The following PIAS1 variants were observed in gnomAD, a reference collection of about 807,000 sequenced individuals.
PIAS1 encodes the protein protein inhibitor of activated STAT 1, also known as E3 SUMO-protein ligase PIAS1.
PIAS1 carries 6 observed loss-of-function variants against 71.3 expected under a neutral mutation model. The ratio of observed to expected loss-of-function variants is 0.08; its 90% CI spans 0.05 to 0.17. The LOEUF is 0.17. Among genes scored for constraint, PIAS1 ranks in the 10% least tolerant of loss-of-function variants. The probability of loss-of-function intolerance (pLI) is 1.00; values close to 1 mark genes in which losing one functional copy is unlikely to be tolerated. For synonymous variants in PIAS1, 303 were observed against 292.9 expected (o/e 1.03, Z -0.35); for missense variants, 555 against 793.6 (o/e 0.70, Z 3.61).
In PIAS1 at chr15:68,192,751, TTTC is replaced by T. The variant is rs1460750338; in HGVS notation, c.*4921_*4923del. ...AAAGACACATCCCATTTGATTTGGT[TTTC>T]TTCTACTTTAGCCACTGTGGTACTA... On this transcript the variant is annotated 3_prime_UTR_variant, in exon 14 of 14. Transcript: ENST00000249636. 1.3e-5 allele frequency: 2 copies of T among 152,208 alleles called. No individual in the cohort carries two copies. Among genetic ancestry groups the T allele is most frequent in the African/African-American group, 4.8e-5 (2 of 41,444 alleles). 9.4% of individuals were successfully genotyped at this position (152,208 alleles called of 1,614,324 possible).
chr15:68,175,727 G>C lies in PIAS1; in HGVS notation c.1260G>C (p.Lys420Asn). The change falls in exon 10 of 14, where the codon AAG (lysine) becomes AAC (asparagine). Residue 420 changes from lysine to asparagine, a missense_variant. By Grantham distance (94) the Lys-to-Asn change is moderately conservative. Coordinates refer to ENST00000249636, the MANE Select transcript of PIAS1 (RefSeq NM_016166.3). ...CTTGGGCACCGATGAGATCAAAAAAGGAAGTACAGGAAGTTTCTGCCTCTT... is the reference window on the plus strand; with the variant it reads ...CTTGGGCACCGATGAGATCAAAAAACGAAGTACAGGAAGTTTCTGCCTCTT... ...DGTWAPMRSK[K>N]EVQEVSASYN... is the part of the protein sequence containing the mutation. 6.2e-7 allele frequency: 1 copy of C among 1,606,372 alleles called. No individual in the cohort carries two copies. The highest frequency in any genetic ancestry group is 8.5e-7 in the Non-Finnish European group (1 of 1,175,740).
chr15:68,088,176 G>GTATATATATATATATATCTATA (rs2092301312), intron 2 of PIAS1, among the ~76,000 whole-genome samples: 2 of 73,008 alleles, frequency 2.7e-5, no homozygotes, highest in African/African-American at 1.2e-4. Context: ...TTATGTGTGT[G>GTATATATATATATATATCTATA]TATATATATA....
At chr15:68,164,396 C>T (rs543557152) in intron 7 of PIAS1, among the ~76,000 whole-genome samples, 7 of 151,994 alleles carry the variant, frequency 4.6e-5, no homozygotes, top group African/African-American at 1.7e-4. Flanking sequence ...AACCTTGATC[C>T]AATATCTTAG....
At chr15:68,161,281 G>C (rs1405677081) in intron 7 of PIAS1, among the ~76,000 whole-genome samples, 1 of 152,190 alleles carries the variant, frequency 6.6e-6, no homozygotes, top group African/African-American at 2.4e-5. Flanking sequence ...ACAAAGCATG[G>C]TTGAGAAAAA....
intron 4 of PIAS1, among the ~76,000 whole-genome samples, chr15:68,143,880 G>T (rs951019065): frequency 6.6e-6 from 1 of 151,760 alleles, no homozygotes; most frequent in Non-Finnish European, 1.5e-5. Flanking sequence ...TTTGACTCTG[G>T]GTTAATTTTT....
chr15:68,140,964 T>G (rs577721955), intron 2 of PIAS1, among the ~76,000 whole-genome samples: 1 of 152,296 alleles, frequency 6.6e-6, no homozygotes, highest in South Asian at 2.1e-4. Context: ...ATTCAGTGCT[T>G]CTTTGTGCCA....
intron 2 of PIAS1, among the ~76,000 whole-genome samples, chr15:68,090,507 C>T (rs62004779): frequency 0.018 from 2,673 of 150,156 alleles, 55 homozygotes; most frequent in Non-Finnish European, 0.022. Context: ...TCTATAAATC[C>T]CTATAATAGC....
chr15:68,069,025 A>C (rs901147017), intron 1 of PIAS1, among the ~76,000 whole-genome samples: 6 of 150,186 alleles, frequency 4.0e-5, no homozygotes, highest in African/African-American at 1.5e-4. Flanking sequence ...CTGCCCCAGT[A>C]GCTGGGATTA....
At chr15:68,061,799 T>A (rs2091961761) in intron 1 of PIAS1, among the ~76,000 whole-genome samples, 1 of 152,240 alleles carries the variant, frequency 6.6e-6, no homozygotes. Flanking sequence ...CTCAGTCTAG[T>A]ATTCAAGATT....
At chr15:68,127,632 C>G (rs1205628076) in intron 2 of PIAS1, among the ~76,000 whole-genome samples, 2 of 152,152 alleles carry the variant, frequency 1.3e-5, no homozygotes, top group East Asian at 3.8e-4. Flanking sequence ...AAAAACAAAA[C>G]AGGCAAGCAA....
intron 2 of PIAS1, among the ~76,000 whole-genome samples, chr15:68,130,424 A>G (rs865785818): frequency 6.6e-6 from 1 of 151,930 alleles, no homozygotes; most frequent in African/African-American, 2.4e-5. Flanking sequence ...AAACATTCCA[A>G]ATGTTTTTTT....
intron 6 of PIAS1, among the ~76,000 whole-genome samples, chr15:68,148,000 A>G (rs1463797794): frequency 6.6e-6 from 1 of 152,178 alleles, no homozygotes; most frequent in Non-Finnish European, 1.5e-5. Flanking sequence ...TACTATACTC[A>G]AAACTGGCAG....
At chr15:68,172,284 G>A (rs2092996427) in intron 8 of PIAS1, among the ~76,000 whole-genome samples, 1 of 152,102 alleles carries the variant, frequency 6.6e-6, no homozygotes, top group Admixed American at 6.6e-5. Context: ...TGGTATATAT[G>A]TGCCACATTT....
At chr15:68,094,532 C>T (rs1042529052) in intron 2 of PIAS1, among the ~76,000 whole-genome samples, 1 of 152,052 alleles carries the variant, frequency 6.6e-6, no homozygotes, top group Non-Finnish European at 1.5e-5. Context: ...GTGTTTTCTG[C>T]CAAGGGCTCC....
At chr15:68,151,227 T>TTTA (rs1452200776) in intron 6 of PIAS1, among the ~76,000 whole-genome samples, 2 of 152,106 alleles carry the variant, frequency 1.3e-5, no homozygotes, top group African/African-American at 4.8e-5. Context: ...AAAATTTCAT[T>TTTA]TTATATTACC....
At chr15:68,092,618 G>A (rs1299026317) in intron 2 of PIAS1, among the ~76,000 whole-genome samples, 1 of 152,170 alleles carries the variant, frequency 6.6e-6, no homozygotes, top group Non-Finnish European at 1.5e-5. Flanking sequence ...GTGTTAAGAG[G>A]TGGGGCCTTT....
In PIAS1 at chr15:68,177,294, A is replaced by AAAAAAAAG. The variant is rs1382675309; in HGVS notation, c.1481+643_1481+644insAAAAGAAA. ...ACTTTGTCTCAAAAAAAAAAAAAAAAAAAGAAAGAAAAAATTTGTATTTCT... is the reference window on the plus strand; with the variant it reads ...ACTTTGTCTCAAAAAAAAAAAAAAAAAAAAAAAGAAAGAAAGAAAAAATTTGTATTTCT... On this transcript the variant is annotated intron_variant, in intron 11 of 13. Transcript: ENST00000249636. Among the ~76,000 whole-genome samples, 13 of 150,966 alleles carry AAAAAAAAG rather than the reference A, an allele frequency of 8.6e-5. No homozygotes were observed. In the East Asian group the frequency reaches 9.7e-4, roughly 11 times the overall value.
intron 1 of PIAS1, among the ~76,000 whole-genome samples, chr15:68,066,249 A>G (rs2092024411): frequency 6.6e-6 from 1 of 151,754 alleles, no homozygotes; most frequent in Non-Finnish European, 1.5e-5. Flanking sequence ...CCTCCCGAGT[A>G]GGATGCGCAC....
In PIAS1 at chr15:68,176,877, G is replaced by C. The variant is rs930419191; in HGVS notation, c.1481+223G>C. Among the ~76,000 whole-genome samples the C allele has an allele frequency of 2.0e-5, 3 of 152,150 alleles. No homozygotes were observed. In the East Asian group the frequency reaches 5.8e-4, roughly 29 times the overall value. On this transcript the variant is annotated intron_variant, in intron 11 of 13. Transcript: ENST00000249636. ...TTCTTCATATCAAAAGATCATTCTA[G>C]TACCGTGGTTCTCAAACTGTGGTGT...
Sources: gnomAD v4.1 joint callset for allele counts (sites outside exome capture counted in the v4.1 genomes callset) on GRCh38, gnomAD v4.1.1 for gene constraint, MANE v1.5 for transcripts, NCBI Gene and HGNC (gene_info 2026-07-23, HGNC 2026-07-21) for gene names.